FAM3C: variants seen among roughly 807,000 people sequenced by gnomAD.
FAM3C encodes FAM3 metabolism regulating signaling molecule C.
Under a neutral mutation model 32.5 loss-of-function variants are expected in FAM3C, and 15 were observed. The ratio of observed to expected loss-of-function variants is 0.46; its 90% CI spans 0.31 to 0.71. The LOEUF (loss-of-function observed/expected upper bound fraction) is 0.71, where lower values mean the gene tolerates loss of function less well. Among genes scored for constraint, FAM3C ranks in the 30% least tolerant of loss-of-function variants. FAM3C has a pLI of 0.05. For synonymous variants in FAM3C, 75 were observed against 86.1 expected (o/e 0.87, Z 0.72); for missense variants, 175 against 274.4 (o/e 0.64, Z 2.56).
chr7:121,358,623 T>C (rs1384936529), intron 8 of FAM3C, among the ~76,000 whole-genome samples: 2 of 152,046 alleles, frequency 1.3e-5, no homozygotes, highest in East Asian at 3.8e-4. Context: ...AAGCCAAATC[T>C]ACATAAGAAC....
intron 3 of FAM3C, among the ~76,000 whole-genome samples, chr7:121,376,027 G>C (rs751519952): frequency 6.6e-6 from 1 of 152,192 alleles, no homozygotes; most frequent in East Asian, 1.9e-4. Flanking sequence ...TGCTTCCAGA[G>C]CAACATGGAA....
At chr7:121,372,257 A>G (rs1027534106) in intron 3 of FAM3C, 118 bp from the exon 4 acceptor site, 1 of 617,648 alleles carries the variant, frequency 1.6e-6, no homozygotes, top group African/African-American at 1.8e-5. Flanking sequence ...TATACAATAA[A>G]ACATGAATAT....
intron 3 of FAM3C, among the ~76,000 whole-genome samples, chr7:121,374,007 A>G (rs866780093): frequency 1.0e-3 from 155 of 148,688 alleles, no homozygotes; most frequent in African/African-American, 3.6e-3. Flanking sequence ...AAAAAAAAAA[A>G]GAAAAAAAAA....
At chr7:121,353,743 C>CTTGCAACAA (rs1214057366) in intron 8 of FAM3C, among the ~76,000 whole-genome samples, 5 of 152,294 alleles carry the variant, frequency 3.3e-5, no homozygotes, top group Admixed American at 3.3e-4. Flanking sequence ...ACAACATTTC[C>CTTGCAACAA]CATGTGTTGT....
chr7:121,379,046 G>T, intron 2 of FAM3C, 32 bp from the exon 3 acceptor site: 1 of 1,186,928 alleles, frequency 8.4e-7, no homozygotes, highest in Admixed American at 2.4e-5. Context: ...GCATAACTTT[G>T]TAAGCCCACA....
Position 121,349,566 on chromosome 7 carries a change from A to T in FAM3C, c.*895T>A, listed in dbSNP as rs1584685412. ...ACAGGATTAATTTCTTGGTTTACAAATCAAAATTATTGTGATATTAAAGCA... is the reference window on the plus strand; with the variant it reads ...ACAGGATTAATTTCTTGGTTTACAATTCAAAATTATTGTGATATTAAAGCA... On this transcript the variant is annotated 3_prime_UTR_variant, in exon 10 of 10. Transcript: ENST00000359943. 6.6e-6 allele frequency: 1 copy of T among 152,322 alleles called. No homozygotes were observed. Among genetic ancestry groups the T allele is most frequent in the African/African-American group, 2.4e-5 (1 of 41,586 alleles). 9.4% of individuals were successfully genotyped at this position (152,322 alleles called of 1,614,324 possible).
intron 3 of FAM3C, among the ~76,000 whole-genome samples, chr7:121,375,582 T>C (rs1273336919): frequency 1.3e-5 from 2 of 152,104 alleles, no homozygotes; most frequent in Non-Finnish European, 2.9e-5. Flanking sequence ...ATGATGTTCA[T>C]AAAAACAGTA....
Position 121,378,858 on chromosome 7 carries a change from C to T in FAM3C, c.118+52G>A. 3 of 961,486 alleles carry T rather than the reference C, an allele frequency of 3.1e-6. No homozygotes were observed. In the East Asian group the frequency reaches 7.6e-5, roughly 24 times the overall value. 59.6% of individuals were successfully genotyped at this position (961,486 alleles called of 1,614,324 possible). ...GACTCAGTGCTGATAACTGATAAAA[C>T]TTTAGGCCACATCAAAAATAAGATT... On this transcript the variant is annotated intron_variant, in intron 3 of 9. Coordinates refer to ENST00000359943, the MANE Select transcript of FAM3C (RefSeq NM_014888.3).
chr7:121,374,302 T>C (rs1009970424), intron 3 of FAM3C, among the ~76,000 whole-genome samples: 2 of 152,232 alleles, frequency 1.3e-5, no homozygotes, highest in Non-Finnish European at 2.9e-5. Context: ...TAAAGTTTTA[T>C]AAAAAATTGT....
chr7:121,387,478 A>G (rs1268299273), intron 1 of FAM3C, among the ~76,000 whole-genome samples: 1 of 152,102 alleles, frequency 6.6e-6, no homozygotes, highest in Non-Finnish European at 1.5e-5. Flanking sequence ...TCTGTGCTCC[A>G]CACGTGTTCA....
At chr7:121,368,820 G>C (rs1417301130) in intron 5 of FAM3C, among the ~76,000 whole-genome samples, 1 of 151,762 alleles carries the variant, frequency 6.6e-6, no homozygotes, top group African/African-American at 2.4e-5. Flanking sequence ...TCAGATCTCA[G>C]AATACACATC....
intron 7 of FAM3C, among the ~76,000 whole-genome samples, chr7:121,361,606 T>C (rs539970383): frequency 2.2e-4 from 34 of 152,224 alleles, no homozygotes; most frequent in Non-Finnish European, 3.8e-4. Context: ...GATGGTCCCA[T>C]TTTAAGTTTA....
chr7:121,355,350 T>C (rs1307950857), intron 8 of FAM3C, among the ~76,000 whole-genome samples: 1 of 152,256 alleles, frequency 6.6e-6, no homozygotes, highest in Admixed American at 6.5e-5. Flanking sequence ...TCATGGAAAA[T>C]GGGAGATGCT....
chr7:121,357,991 T>G (rs1793845919), intron 8 of FAM3C, among the ~76,000 whole-genome samples: 1 of 151,862 alleles, frequency 6.6e-6, no homozygotes, highest in African/African-American at 2.4e-5. Flanking sequence ...AAACTTCAAA[T>G]TTTACACGTA....
At chr7:121,388,207 ACACTCTTTTAAAAGAAAC>A (rs1347040461) in intron 1 of FAM3C, among the ~76,000 whole-genome samples, 2 of 149,402 alleles carry the variant, frequency 1.3e-5, no homozygotes, top group Non-Finnish European at 3.0e-5. Flanking sequence ...CCTAGAAGGT[ACACTCTTTTAAAAGAAAC>A]CACCATTTTA....
chr7:121,384,867 T>G (rs1794435619), intron 1 of FAM3C, among the ~76,000 whole-genome samples: 1 of 152,216 alleles, frequency 6.6e-6, no homozygotes, highest in Admixed American at 6.5e-5. Flanking sequence ...ATAGGAGTAT[T>G]GAATATATTT....
At chr7:121,375,748 TA>T (rs1467664855) in intron 3 of FAM3C, among the ~76,000 whole-genome samples, 1 of 152,178 alleles carries the variant, frequency 6.6e-6, no homozygotes, top group African/African-American at 2.4e-5. Flanking sequence ...ATCTTCTTTC[TA>T]AAAACAGTGG....
At chr7:121,396,320 AG>A (rs1389108439), upstream of FAM3C, 1 of 152,074 alleles carries the variant, frequency 6.6e-6, no homozygotes, top group African/African-American at 2.4e-5. Context: ...GCCAGGAGAA[AG>A]CCAGCTCGCC....
rs2116957676 is a variant in FAM3C at position 121,385,867 on chromosome 7, C to T, written c.-41-2857G>A. Among the ~76,000 whole-genome samples the T allele has an allele frequency of 4.6e-5, 7 of 152,258 alleles. No homozygotes were observed. The South Asian group carries it at 1.5e-3, about 32-fold the overall frequency. On this transcript the variant is annotated intron_variant, in intron 1 of 9. Transcript: ENST00000359943. ...ACACCCTTATTTTATGTAATCTTCC[C>T]ACCAGCCTCTAGTTGCTGGGGGCAT... is the stretch of plus-strand genomic sequence containing the variant.
Sources: allele counts gnomAD v4.1 joint callset (sites outside exome capture counted in the v4.1 genomes callset), GRCh38; gene constraint gnomAD v4.1.1; transcripts MANE v1.5; gene names NCBI Gene and HGNC (gene_info 2026-07-23, HGNC 2026-07-21).